TENM2: variants seen among roughly 807,000 people sequenced by gnomAD.
TENM2 encodes the protein teneurin transmembrane protein 2.
Under a neutral mutation model 245.2 loss-of-function variants are expected in TENM2, and 52 were observed. The ratio of observed to expected loss-of-function variants is 0.21; its 90% confidence interval spans 0.17 to 0.27. TENM2 has a LOEUF of 0.27. Ranked by LOEUF, TENM2 falls within the 10% of genes least tolerant of loss-of-function variation. The pLI is 1.00. For missense variants in TENM2, 3,046 were observed against 3,666.8 expected, an observed-to-expected ratio of 0.83 and a Z score of 4.37; for synonymous variants, 1,363 against 1,438.9, an observed-to-expected ratio of 0.95 and a Z score of 1.19.
intron 10 of TENM2, among the ~76,000 whole-genome samples, chr5:168,119,515 C>G (rs944280570): frequency 6.6e-6 from 1 of 152,222 alleles, no homozygotes; most frequent in African/African-American, 2.4e-5. Flanking sequence ...GTCAGCCTTC[C>G]TGCTCTGTAT....
chr5:167,184,883 A>G, the TENM2 span, among the ~76,000 whole-genome samples: 1 of 152,362 alleles, frequency 6.6e-6, no homozygotes, highest in East Asian at 1.9e-4. Flanking sequence ...AAGATGCAGC[A>G]GAAAACACTT....
At chr5:167,396,621 T>C (rs1382800674) in intron 2 of TENM2, among the ~76,000 whole-genome samples, 2 of 152,048 alleles carry the variant, frequency 1.3e-5, no homozygotes, top group Non-Finnish European at 2.9e-5. Context: ...GCAGTGTGTA[T>C]CTCTTTTATA....
At chr5:167,678,359 T>C (rs1177546179) in intron 2 of TENM2, among the ~76,000 whole-genome samples, 1 of 152,130 alleles carries the variant, frequency 6.6e-6, no homozygotes, top group Non-Finnish European at 1.5e-5. Context: ...AAATAAGCCA[T>C]TAAAAAGGAT....
At chr5:168,190,583 T>C (rs768035233) in intron 14 of TENM2, 36 bp downstream of exon 16, 2 of 1,574,754 alleles carry the variant, frequency 1.3e-6, no homozygotes, top group East Asian at 2.3e-5. Flanking sequence ...TCCTGAAGTC[T>C]CTGATTTTCT....
At chr5:167,801,745 AT>A (rs1372517366) in intron 2 of TENM2, among the ~76,000 whole-genome samples, 2 of 152,102 alleles carry the variant, frequency 1.3e-5, no homozygotes, top group African/African-American at 4.8e-5. Context: ...ATTTGTATGT[AT>A]GGACTGGTAG....
chr5:167,600,427 T>G (rs1287531444), intron 2 of TENM2, among the ~76,000 whole-genome samples: 1 of 152,172 alleles, frequency 6.6e-6, no homozygotes, highest in Non-Finnish European at 1.5e-5. Flanking sequence ...ATAAAATCTA[T>G]GCTACTTAAA....
chr5:168,250,295 GGAGA>G (rs945375774), intron 27 of TENM2, among the ~76,000 whole-genome samples: 5 of 152,108 alleles, frequency 3.3e-5, no homozygotes, highest in East Asian at 1.9e-4. Flanking sequence ...AGAGAGAAGG[GGAGA>G]GAGAGAGTGA....
At chr5:168,033,982 G>A (rs927628297) in intron 5 of TENM2, among the ~76,000 whole-genome samples, 1 of 150,796 alleles carries the variant, frequency 6.6e-6, no homozygotes, top group East Asian at 1.9e-4. Flanking sequence ...AGCCAAGATC[G>A]CCCCACTGCA....
chr5:167,135,434 C>T, the TENM2 span, among the ~76,000 whole-genome samples: 1 of 152,138 alleles, frequency 6.6e-6, no homozygotes, highest in Non-Finnish European at 1.5e-5. Flanking sequence ...GTCCTTTCTT[C>T]TTCCATTTTT....
chr5:167,671,853 A>G (rs1755966962), intron 2 of TENM2, among the ~76,000 whole-genome samples: 2 of 151,698 alleles, frequency 1.3e-5, no homozygotes, highest in Admixed American at 1.3e-4. Context: ...TGAATGATAC[A>G]TTCTGCTTGT....
At chr5:167,542,297 C>T (rs150441830) in intron 2 of TENM2, among the ~76,000 whole-genome samples, 1 of 152,136 alleles carries the variant, frequency 6.6e-6, no homozygotes, top group Non-Finnish European at 1.5e-5. Flanking sequence ...TTAACACATA[C>T]CTTTCAAGAG....
intron 2 of TENM2, among the ~76,000 whole-genome samples, chr5:167,585,241 A>G (rs908092529): frequency 4.6e-5 from 7 of 152,178 alleles, no homozygotes; most frequent in Non-Finnish European, 1.0e-4. Context: ...AGGAAGATGT[A>G]CACTCTTTAG....
intron 2 of TENM2, among the ~76,000 whole-genome samples, chr5:167,663,146 GAGA>G (rs1755333302): frequency 1.8e-5 from 1 of 55,416 alleles, no homozygotes; most frequent in African/African-American, 8.7e-5. Flanking sequence ...GATGGGGAGA[GAGA>G]GAGAGAGAGA....
intron 12 of TENM2, among the ~76,000 whole-genome samples, chr5:168,158,829 G>GTGTGTATATATA (rs1397260649): frequency 1.6e-4 from 10 of 63,738 alleles, no homozygotes; most frequent in African/African-American, 5.8e-4. Flanking sequence ...GTGTGTGTGT[G>GTGTGTATATATA]TATATATATA....
chr5:167,204,319 T>C, the TENM2 span, among the ~76,000 whole-genome samples: 1 of 152,128 alleles, frequency 6.6e-6, no homozygotes, highest in Non-Finnish European at 1.5e-5. Context: ...AAGAAAGTAA[T>C]TGAGGCAATA....
At chr5:168,131,412 A>C (rs1754564720) in intron 12 of TENM2, among the ~76,000 whole-genome samples, 1 of 152,340 alleles carries the variant, frequency 6.6e-6, no homozygotes, top group South Asian at 2.1e-4. Context: ...AGGTGCCACA[A>C]GTCAGTACAG....
the TENM2 span, among the ~76,000 whole-genome samples, chr5:167,119,062 C>G: frequency 4.7e-4 from 72 of 152,332 alleles, 1 homozygote. Flanking sequence ...CCACTTCACT[C>G]CCTGTGAACT....
chr5:167,939,759 C>A (rs996485545), intron 3 of TENM2, among the ~76,000 whole-genome samples: 1 of 152,220 alleles, frequency 6.6e-6, no homozygotes, highest in African/African-American at 2.4e-5. Flanking sequence ...AGCAAATCAT[C>A]CTCTTTCTGT....
chr5:167,003,522 A>T, the TENM2 span, among the ~76,000 whole-genome samples: 1 of 152,194 alleles, frequency 6.6e-6, no homozygotes, highest in Non-Finnish European at 1.5e-5. Flanking sequence ...GGCTCAAATG[A>T]CCAGCTTCTG....
Sources: allele counts gnomAD v4.1 joint callset (sites outside exome capture counted in the v4.1 genomes callset), GRCh38; gene constraint gnomAD v4.1.1; transcripts MANE v1.5; gene names NCBI Gene and HGNC (gene_info 2026-07-23, HGNC 2026-07-21).